Variants in ECPAS observed in about 807,000 individuals in gnomAD.
ECPAS encodes the protein Ecm29 proteasome adaptor and scaffold, also known as proteasome adapter and scaffold protein ECM29.
In ECPAS, 70 loss-of-function variants were observed where a neutral mutation model predicts 255.1. That is an observed-to-expected ratio of 0.27 (90% CI 0.23 to 0.33). The LOEUF is 0.33. Ranked by LOEUF, ECPAS falls within the 10% of genes least tolerant of loss-of-function variation. ECPAS has a pLI of 1.00. For synonymous variants in ECPAS, 784 were observed against 775.0 expected, an observed-to-expected ratio of 1.01 and a Z score of -0.19; for missense variants, 1,817 against 2,206.4, an observed-to-expected ratio of 0.82 and a Z score of 3.54.
intron 12 of ECPAS, 101 bp from the exon 13 acceptor site, chr9:111,423,349 T>C: frequency 1.3e-6 from 1 of 774,560 alleles, no homozygotes; most frequent in South Asian, 1.6e-5. Flanking sequence ...ATTACATGCA[T>C]TATTTTACTC....
chr9:111,408,758 G>C, intron 23 of ECPAS, 86 bp from the exon 24 acceptor site: 8 of 744,024 alleles, frequency 1.1e-5, no homozygotes, highest in Non-Finnish European at 1.3e-5. Context: ...AGATGACAGG[G>C]AAGCGCAGTC....
intron 27 of ECPAS, among the ~76,000 whole-genome samples, 190 bp downstream of exon 27, chr9:111,393,490 G>A (rs771503464): frequency 6.6e-5 from 10 of 152,148 alleles, no homozygotes. Flanking sequence ...TAAGTTTCCT[G>A]TATCCTAACT....
At position 111,383,338 on chromosome 9, in the gene ECPAS, A is replaced by G; in HGVS notation, c.3682-6T>C. The G allele has an allele frequency of 1.2e-6, 2 of 1,608,578 alleles. No homozygotes were observed. Among genetic ancestry groups the G allele is most frequent in the South Asian group, 2.2e-5 (2 of 89,980 alleles). On this transcript the variant is annotated splice_polypyrimidine_tract_variant and splice_region_variant and intron_variant, in intron 34 of 49. Transcript: ENST00000684092. ...TCACACATTTTCACACAGACCTCAC[A>G]TACAAAGAGCATGGACGTTAGTGAA...
chr9:111,423,717 C>T (rs2098217607), intron 12 of ECPAS, among the ~76,000 whole-genome samples: 3 of 152,194 alleles, frequency 2.0e-5, no homozygotes, highest in Admixed American at 6.5e-5. Flanking sequence ...AAAATCTACA[C>T]TGTAATGAAC....
At chr9:111,400,318 G>A (rs961647363) in intron 24 of ECPAS, among the ~76,000 whole-genome samples, 3 of 152,208 alleles carry the variant, frequency 2.0e-5, no homozygotes, top group Admixed American at 1.3e-4. Context: ...GCCAGACTGT[G>A]AAGACTGGAA....
Position 111,378,700 on chromosome 9 carries a change from A to C in ECPAS, c.3834T>G (p.Ser1278Arg), listed in dbSNP as rs2098136576. 6.2e-7 allele frequency: 1 copy of C among 1,613,498 alleles called. No homozygotes were observed. The highest frequency in any genetic ancestry group is 8.5e-7 in the Non-Finnish European group (1 of 1,179,626). The part of the protein sequence containing the change: ...SINTLVKISK[S>R]AGAMLKPHAP... ...CATGCGGTTTCAACATGGCTCCTGC[A>C]CTTTTGCTGATCTTCACAAGGGTGT... The change falls in exon 36 of 50, where the codon AGT (serine) becomes AGG (arginine). Residue 1278 changes from serine (S) to arginine (R), a missense_variant. Physicochemically the swap from Ser to Arg is moderately radical, Grantham distance 110. Transcript: ENST00000684092.
intron 35 of ECPAS, among the ~76,000 whole-genome samples, chr9:111,380,012 G>T (rs529820985): frequency 1.3e-5 from 2 of 152,302 alleles, no homozygotes; most frequent in African/African-American, 4.8e-5. Flanking sequence ...CATGAATCAT[G>T]AATGTTCTTA....
chr9:111,421,095 T>C (rs16916084), intron 15 of ECPAS, among the ~76,000 whole-genome samples: 9,737 of 140,262 alleles, frequency 0.069, 458 homozygotes, highest in East Asian at 0.2. Context: ...CCTTTGTCCA[T>C]AACATATGAC....
chr9:111,481,407 G>C (rs924855624), intron 1 of ECPAS, among the ~76,000 whole-genome samples: 3 of 152,218 alleles, frequency 2.0e-5, no homozygotes, highest in African/African-American at 7.2e-5. Context: ...TCGGAGGGCT[G>C]AGGCATAAGA....
intron 24 of ECPAS, among the ~76,000 whole-genome samples, chr9:111,405,785 A>G (rs2098183079): frequency 6.7e-6 from 1 of 149,866 alleles, no homozygotes; most frequent in Non-Finnish European, 1.5e-5. Flanking sequence ...GGTATACAAC[A>G]AAAAGTCTGG....
intron 28 of ECPAS, among the ~76,000 whole-genome samples, 154 bp downstream of exon 28, chr9:111,392,614 G>A (rs932469789): frequency 6.6e-6 from 1 of 152,172 alleles, no homozygotes; most frequent in Non-Finnish European, 1.5e-5. Context: ...GAATAATTGT[G>A]CTATCCACAG....
At position 111,373,996 on chromosome 9, in the gene ECPAS, G is replaced by C. The variant is rs1487644648; in HGVS notation, c.4153C>G (p.Pro1385Ala). 2 of 1,613,432 alleles carry C rather than the reference G, an allele frequency of 1.2e-6. No homozygotes were observed. Among genetic ancestry groups the C allele is most frequent in the East Asian group, 4.5e-5 (2 of 44,858 alleles). Reference sequence around the variant, plus strand: ...CCTGAGTAAGGTGTTAGGTCCTGAGGACACTGAGTAGTTAATGACACAATG... The same window carrying C: ...CCTGAGTAAGGTGTTAGGTCCTGAGCACACTGAGTAGTTAATGACACAATG... ...SVIVSLTTQC[P>A]QDLTPYSGKL... The change falls in exon 39 of 50, where the codon CCT (proline) becomes GCT (alanine). Residue 1385 changes from proline to alanine, a missense_variant. By Grantham distance (27) the Pro-to-Ala change is conservative. Coordinates refer to ENST00000684092, the MANE Select transcript of ECPAS (RefSeq NM_001364929.1).
At chr9:111,481,143 G>C (rs1310551952) in intron 1 of ECPAS, among the ~76,000 whole-genome samples, 1 of 152,220 alleles carries the variant, frequency 6.6e-6, no homozygotes, top group Non-Finnish European at 1.5e-5. Flanking sequence ...AGGATATAGA[G>C]AAATTAGAAC....
rs559878763 is a variant in ECPAS at position 111,374,154 on chromosome 9, C to G, written c.4111-116G>C. 25 of 684,244 alleles carry G rather than the reference C, an allele frequency of 3.7e-5. No homozygotes were observed. In the African/African-American group the frequency reaches 3.9e-4, roughly 11 times the overall value. The allele number at this position is 684,244 out of a possible 1,614,324, so 42.4% of individuals were successfully genotyped here. On this transcript the variant is annotated intron_variant, in intron 38 of 49. Transcript: ENST00000684092. ...ATAAAATACATGAAGCCTAATACCC[C>G]CTCCAGGACTCAATATAGAAAAAGG... is the stretch of plus-strand genomic sequence containing the variant.
rs2098128796 is a variant in ECPAS, at chr9:111,372,589, A to T, written c.4368T>A (p.Thr1456=). ...EPIYKTSCAL[T]IHAIGRYSPD... ...GGCTGTATCGTCCAATAGCATGAATAGTCAAAGCACAAGAGGTCTTGTAGA... is the reference window on the plus strand; with the variant it reads ...GGCTGTATCGTCCAATAGCATGAATTGTCAAAGCACAAGAGGTCTTGTAGA... Residue 1456 remains threonine (T), a synonymous_variant, in exon 42 of 50, where the codon ACT becomes ACA. Coordinates refer to ENST00000684092, the MANE Select transcript of ECPAS (RefSeq NM_001364929.1). 1 of 1,613,182 alleles carries T rather than the reference A, an allele frequency of 6.2e-7. No homozygotes were observed. Among genetic ancestry groups the T allele is most frequent in the Non-Finnish European group, 8.5e-7 (1 of 1,179,522 alleles).
At chr9:111,427,684 A>G (rs1047278993) in intron 10 of ECPAS, among the ~76,000 whole-genome samples, 1 of 152,214 alleles carries the variant, frequency 6.6e-6, no homozygotes, top group Admixed American at 6.5e-5. Flanking sequence ...AAGGTAATTT[A>G]TACAATATTT....
At chr9:111,382,010 C>A (rs1589125820) in intron 35 of ECPAS, among the ~76,000 whole-genome samples, 1 of 45,896 alleles carries the variant, frequency 2.2e-5, no homozygotes. Context: ...TTTTGTAAAA[C>A]ACACACACAC....
intron 38 of ECPAS, 40 bp from the exon 39 acceptor site, chr9:111,374,078 A>C (rs2098130590): frequency 6.7e-7 from 1 of 1,482,852 alleles, no homozygotes; most frequent in Admixed American, 1.7e-5. Flanking sequence ...TCTGATGGTC[A>C]CAATGTTCTA....
At chr9:111,380,449 T>C (rs1305519511) in intron 35 of ECPAS, among the ~76,000 whole-genome samples, 2 of 152,230 alleles carry the variant, frequency 1.3e-5, no homozygotes, top group East Asian at 3.8e-4. Flanking sequence ...TCATCCAGAC[T>C]TTGTTGTTCC....
Sources: gnomAD v4.1 joint callset for allele counts (sites outside exome capture counted in the v4.1 genomes callset) on GRCh38, gnomAD v4.1.1 for gene constraint, MANE v1.5 for transcripts, NCBI Gene and HGNC (gene_info 2026-07-23, HGNC 2026-07-21) for gene names.